Variants in FAM13A observed in about 807,000 individuals in gnomAD.
FAM13A encodes family with sequence similarity 13 member A.
In FAM13A, 76 loss-of-function variants were observed where a neutral mutation model predicts 129.6. The ratio of observed to expected loss-of-function variants is 0.59; its 90% CI spans 0.49 to 0.71. The LOEUF is 0.71. Among genes scored for constraint, FAM13A ranks in the 30% least tolerant of loss-of-function variants. The pLI is 0.00. For synonymous variants in FAM13A, 443 were observed against 449.9 expected (o/e 0.98, Z 0.20); for missense variants, 1,108 against 1,249.3 (o/e 0.89, Z 1.70).
intron 6 of FAM13A, among the ~76,000 whole-genome samples, chr4:88,868,530 T>G (rs1025080380): frequency 7.2e-5 from 11 of 152,320 alleles, no homozygotes; most frequent in African/African-American, 2.4e-4. Context: ...AGGGGTGATC[T>G]GATCTTATCT....
rs189351230 is a variant in FAM13A at position 88,843,390 on chromosome 4, C to G, written c.1007+7630G>C. Among the ~76,000 whole-genome samples, 5 of 152,302 alleles carry G rather than the reference C, an allele frequency of 3.3e-5. No individual in the cohort carries two copies. The East Asian group carries it at 7.7e-4, about 23-fold the overall frequency. ...GTACACGTGATTATAAATCTTGTAT[C>G]TAAGAATCCTTGCTTCATTTCAGCT... is the stretch of plus-strand genomic sequence containing the variant. On this transcript the variant is annotated intron_variant, in intron 7 of 23. Coordinates refer to ENST00000264344, the MANE Select transcript of FAM13A (RefSeq NM_014883.4).
At chr4:88,838,621 G>A (rs1042678590) in intron 7 of FAM13A, among the ~76,000 whole-genome samples, 5 of 152,046 alleles carry the variant, frequency 3.3e-5, no homozygotes, top group African/African-American at 1.2e-4. Flanking sequence ...CAGCTACTCG[G>A]GAGGCTGAGG....
chr4:88,783,361 G>C (rs1273121371), intron 10 of FAM13A, among the ~76,000 whole-genome samples: 1 of 151,792 alleles, frequency 6.6e-6, no homozygotes, highest in African/African-American at 2.4e-5. Context: ...GTACAGTGGT[G>C]CGATCTAGGC....
intron 1 of FAM13A, among the ~76,000 whole-genome samples, chr4:89,031,118 GTTAA>G (rs1768623538): frequency 1.3e-5 from 2 of 152,238 alleles, no homozygotes; most frequent in East Asian, 3.9e-4. Context: ...TTATGATTTT[GTTAA>G]TTAAGTCAAA....
intron 4 of FAM13A, among the ~76,000 whole-genome samples, chr4:88,940,721 G>A (rs1157679694): frequency 6.6e-6 from 1 of 152,120 alleles, no homozygotes; most frequent in Non-Finnish European, 1.5e-5. Flanking sequence ...AGTGATGAAG[G>A]GTGTGCCTCA....
chr4:89,051,792 G>GA (rs1771625054), intron 1 of FAM13A, among the ~76,000 whole-genome samples: 2 of 152,114 alleles, frequency 1.3e-5, no homozygotes, highest in African/African-American at 2.4e-5. Context: ...GGCAGGTCCT[G>GA]AAAAAAATCC....
At chr4:88,824,005 A>AT (rs1018671294) in intron 7 of FAM13A, among the ~76,000 whole-genome samples, 7 of 151,026 alleles carry the variant, frequency 4.6e-5, no homozygotes, top group East Asian at 3.9e-4. Context: ...TTTTATTTTT[A>AT]TTTTTTTTTA....
intron 3 of FAM13A, among the ~76,000 whole-genome samples, chr4:89,000,397 T>C (rs1764100762): frequency 6.6e-6 from 1 of 152,178 alleles, no homozygotes; most frequent in Non-Finnish European, 1.5e-5. Context: ...TGAAACATTA[T>C]GCTAGATCAA....
chr4:88,829,583 T>C (rs373204688), intron 7 of FAM13A, among the ~76,000 whole-genome samples: 34 of 152,344 alleles, frequency 2.2e-4, no homozygotes, highest in African/African-American at 6.5e-4. Flanking sequence ...TTAGTGCATA[T>C]ACAATTTAGA....
intron 4 of FAM13A, among the ~76,000 whole-genome samples, chr4:88,948,876 A>T (rs1188991445): frequency 6.6e-6 from 1 of 152,186 alleles, no homozygotes; most frequent in African/African-American, 2.4e-5. Flanking sequence ...TAGCATGTAG[A>T]TTGTACTTCA....
At chr4:88,963,773 T>G (rs1220482982) in intron 4 of FAM13A, among the ~76,000 whole-genome samples, 1 of 152,214 alleles carries the variant, frequency 6.6e-6, no homozygotes, top group Non-Finnish European at 1.5e-5. Flanking sequence ...CTGCTAAAAC[T>G]TATAAATAAT....
At chr4:88,739,686 G>T (rs1352696134) in intron 19 of FAM13A, among the ~76,000 whole-genome samples, 1 of 150,328 alleles carries the variant, frequency 6.7e-6, no homozygotes, top group African/African-American at 2.5e-5. Flanking sequence ...TATGCAGGAG[G>T]CTGAGGTGGA....
At chr4:88,899,648 A>G (rs1746939211) in intron 6 of FAM13A, among the ~76,000 whole-genome samples, 1 of 152,162 alleles carries the variant, frequency 6.6e-6, no homozygotes, top group African/African-American at 2.4e-5. Context: ...TAGACAAACA[A>G]ATGATCAAAT....
chr4:88,778,522 A>G (rs1019764611), intron 11 of FAM13A, among the ~76,000 whole-genome samples: 8 of 152,186 alleles, frequency 5.3e-5, no homozygotes, highest in African/African-American at 2.4e-5. Context: ...TGCTCTCTAG[A>G]TCAGTGAAGG....
At chr4:89,027,014 G>A (rs948927992) in intron 2 of FAM13A, among the ~76,000 whole-genome samples, 1 of 152,124 alleles carries the variant, frequency 6.6e-6, no homozygotes, top group African/African-American at 2.4e-5. Context: ...GGAAAGATAT[G>A]GCCTGAAACA....
At chr4:89,022,307 A>T (rs76425913) in intron 2 of FAM13A, among the ~76,000 whole-genome samples, 3 of 151,660 alleles carry the variant, frequency 2.0e-5, no homozygotes, top group Non-Finnish European at 2.9e-5. Flanking sequence ...CTTAGGTAAT[A>T]AAAAAAAATC....
intron 11 of FAM13A, among the ~76,000 whole-genome samples, chr4:88,770,922 C>T (rs1229511781): frequency 6.6e-6 from 1 of 152,158 alleles, no homozygotes; most frequent in African/African-American, 2.4e-5. Flanking sequence ...GTTTTGTAGA[C>T]GTAGTTCACA....
At chr4:88,916,151 C>A (rs1211265516) in intron 5 of FAM13A, among the ~76,000 whole-genome samples, 2 of 152,136 alleles carry the variant, frequency 1.3e-5, no homozygotes, top group African/African-American at 4.8e-5. Context: ...GATATAGCAC[C>A]TTGAGCTTGG....
intron 6 of FAM13A, among the ~76,000 whole-genome samples, chr4:88,890,548 A>G (rs1027683080): frequency 2.0e-5 from 3 of 152,212 alleles, no homozygotes; most frequent in African/African-American, 2.4e-5. Flanking sequence ...CTTCAATATC[A>G]CAACACATAA....
Sources: gnomAD v4.1 joint callset for allele counts (sites outside exome capture counted in the v4.1 genomes callset) on GRCh38, gnomAD v4.1.1 for gene constraint, MANE v1.5 for transcripts, NCBI Gene and HGNC (gene_info 2026-07-23, HGNC 2026-07-21) for gene names.